DOCK2: variants seen among roughly 807,000 people sequenced by gnomAD.
DOCK2 encodes dedicator of cytokinesis protein 2.
DOCK2 carries 87 observed loss-of-function variants against 248.9 expected under a neutral mutation model. That is an observed-to-expected ratio of 0.35 (90% CI 0.29 to 0.42). The LOEUF is 0.42. Among genes scored for constraint, DOCK2 ranks in the 10% least tolerant of loss-of-function variants. DOCK2 has a pLI of 1.00. For synonymous variants in DOCK2, 805 were observed against 821.6 expected (o/e 0.98, Z 0.35); for missense variants, 1,747 against 2,300.2 (o/e 0.76, Z 4.92).
chr5:169,875,473 G>T, intron 27 of DOCK2: 2 of 336,928 alleles, frequency 5.9e-6, no homozygotes, highest in Non-Finnish European at 1.2e-5. Flanking sequence ...CTTCAGATGA[G>T]TCTGGCATCT....
In DOCK2 at chr5:170,021,109, G is replaced by C. The variant is rs1755707263; in HGVS notation, c.3381+2001G>C. 3.9e-5 allele frequency among the ~76,000 whole-genome samples: 6 copies of C among 152,238 alleles called. No homozygotes were observed. The South Asian group carries it at 1.2e-3, about 32-fold the overall frequency. Reference sequence around the variant, plus strand: ...CATTATAGGGACTCTAGTGCCAGAAGGGCTAGTGGCCAGCTGCCTTTTTGT... The same window carrying C: ...CATTATAGGGACTCTAGTGCCAGAACGGCTAGTGGCCAGCTGCCTTTTTGT... On this transcript the variant is annotated intron_variant, in intron 33 of 51. Transcript: ENST00000520908.
At position 169,763,465 on chromosome 5, in the gene DOCK2, G is replaced by A. The variant is rs1427919728; in HGVS notation, c.2554+1840G>A. 6.6e-6 allele frequency among the ~76,000 whole-genome samples: 1 copy of A among 152,238 alleles called. No individual in the cohort carries two copies. Among genetic ancestry groups the A allele is most frequent in the Non-Finnish European group, 1.5e-5 (1 of 68,040 alleles). ...TGTTCAGAGCTGCTGTCATTGTCAG[G>A]GGCCCGGCTTGGCATCAAGGCCAGA... On this transcript the variant is annotated intron_variant, in intron 25 of 51. Coordinates refer to ENST00000520908, the MANE Select transcript of DOCK2 (RefSeq NM_004946.3). This position sits in a 1 kb window ranked among gnomAD's most constrained non-coding sequence, Gnocchi z 4.1.
Position 170,081,848 on chromosome 5 carries a change from C to A in DOCK2, c.5294C>A (p.Ala1765Glu), listed in dbSNP as rs141274816. The A allele has an allele frequency of 2.5e-6, 4 of 1,612,244 alleles. No homozygotes were observed. Among genetic ancestry groups the A allele is most frequent in the South Asian group, 2.2e-5 (2 of 90,882 alleles). The change falls in exon 51 of 52, where the codon GCG becomes GAG. Residue 1765 changes from alanine to glutamate, a missense_variant. Transcript: ENST00000520908. Reference protein sequence around the residue: ...SQSMPTIPALALSVAGIPGLD... With the variant: ...SQSMPTIPALELSVAGIPGLD... Reference sequence around the variant, plus strand: ...AGCTCTGCTCTCCTTCCAGCCCTGGCGCTCTCAGTGGCAGGCATCCCTGGG... The same window carrying A: ...AGCTCTGCTCTCCTTCCAGCCCTGGAGCTCTCAGTGGCAGGCATCCCTGGG...
intron 22 of DOCK2, among the ~76,000 whole-genome samples, chr5:169,721,566 T>C (rs2431716): frequency 0.99 from 150,880 of 152,350 alleles, 74,720 homozygotes; most frequent in Middle Eastern, 1. Context: ...AAATCAGAAT[T>C]GAATTATTGG....
At chr5:169,702,671 TTGTATGTATGTA>T (rs58478617) in intron 14 of DOCK2, 4 of 318,936 alleles carry the variant, frequency 1.3e-5, no homozygotes, top group East Asian at 7.2e-5. Flanking sequence ...CAACTTCTTC[TTGTATGTATGTA>T]TGTATGTATG....
At chr5:170,061,189 C>A (rs1471997732) in intron 44 of DOCK2, among the ~76,000 whole-genome samples, 1 of 152,162 alleles carries the variant, frequency 6.6e-6, no homozygotes, top group Admixed American at 6.5e-5. Flanking sequence ...TCACAGCAAG[C>A]CTGGCAAGAG....
intron 25 of DOCK2, among the ~76,000 whole-genome samples, chr5:169,780,599 G>A (rs2046252): frequency 0.62 from 94,681 of 151,982 alleles, 29,882 homozygotes; most frequent in Middle Eastern, 0.77. Context: ...TTGTGCTTAC[G>A]TAACACCAGC....
intron 25 of DOCK2, among the ~76,000 whole-genome samples, chr5:169,771,049 C>A (rs1304178378): frequency 6.6e-6 from 1 of 152,174 alleles, no homozygotes; most frequent in East Asian, 1.9e-4. Flanking sequence ...GGTGGTTGTA[C>A]CAATTTACAC....
intron 2 of DOCK2, among the ~76,000 whole-genome samples, chr5:169,663,596 G>T (rs1032231314): frequency 6.6e-6 from 1 of 152,188 alleles, no homozygotes; most frequent in African/African-American, 2.4e-5. Context: ...CTTGTCTCCT[G>T]TGCACCTGCA....
At position 169,881,440 on chromosome 5, in the gene DOCK2, C is replaced by T. The variant is rs1288506076; in HGVS notation, c.2799+40588C>T. The T allele has an allele frequency of 1.0e-5, 16 of 1,551,322 alleles. No individual in the cohort carries two copies. In the South Asian group the frequency reaches 1.4e-4, roughly 14 times the overall value. On this transcript the variant is annotated intron_variant, in intron 27 of 51. Coordinates refer to ENST00000520908, the MANE Select transcript of DOCK2 (RefSeq NM_004946.3). ...ATCTTGGCCAGTTCGATAAAAGTTG[C>T]GCCTGCAAGACAGAGCATTTGCTGG...
At chr5:169,643,659 C>A (rs760483546) in intron 1 of DOCK2, among the ~76,000 whole-genome samples, 3 of 152,148 alleles carry the variant, frequency 2.0e-5, no homozygotes, top group Non-Finnish European at 4.4e-5. Flanking sequence ...GGCCACCAAC[C>A]AGTACCGGTC....
In DOCK2 at chr5:169,882,625, G is replaced by A. The variant is rs979354875; in HGVS notation, c.2799+41773G>A. On this transcript the variant is annotated intron_variant, in intron 27 of 51. Coordinates refer to ENST00000520908, the MANE Select transcript of DOCK2 (RefSeq NM_004946.3). ...AAGGACTTTAATTTTCTCTTGGTTC[G>A]AGTGCAGAGATTCCTCCACAGATTG... 2.0e-5 allele frequency: 31 copies of A among 1,551,816 alleles called. No homozygotes were observed. Among genetic ancestry groups the A allele is most frequent in the African/African-American group, 2.7e-5 (2 of 73,144 alleles).
In DOCK2 at chr5:169,929,761, A is replaced by G. The variant is rs1055354075; in HGVS notation, c.2800-53307A>G. Reference sequence around the variant, plus strand: ...TGTCTCAAAAAAAAAAAAAAAAAAAAAGAGAGAGAGAGAAAGAAGCTATCC... The same window carrying G: ...TGTCTCAAAAAAAAAAAAAAAAAAAGAGAGAGAGAGAGAAAGAAGCTATCC... On this transcript the variant is annotated intron_variant, in intron 27 of 51. Transcript: ENST00000520908. Among the ~76,000 whole-genome samples the G allele has an allele frequency of 5.2e-4, 78 of 149,602 alleles. No individual in the cohort carries two copies. The East Asian group carries it at 0.011, about 21-fold the overall frequency.
intron 7 of DOCK2, among the ~76,000 whole-genome samples, chr5:169,682,730 A>T (rs1266881816): frequency 6.6e-6 from 1 of 152,210 alleles, no homozygotes; most frequent in East Asian, 1.9e-4. Context: ...TCGTAATAAT[A>T]TATTGTGTTG....
chr5:169,654,290 GC>G (rs1757969800), intron 1 of DOCK2, 112 bp from the exon 2 acceptor site: 1 of 1,171,912 alleles, frequency 8.5e-7, no homozygotes, highest in Admixed American at 2.1e-5. Context: ...GTTTTGTTTA[GC>G]CCAGGTGGGC....
intron 36 of DOCK2, among the ~76,000 whole-genome samples, chr5:170,039,592 C>T (rs1311311342): frequency 2.6e-5 from 4 of 152,244 alleles, no homozygotes; most frequent in South Asian, 2.1e-4. Flanking sequence ...GACCTTTCCT[C>T]GCCTCAAAAT....
intron 23 of DOCK2, among the ~76,000 whole-genome samples, chr5:169,753,772 A>G (rs1355790239): frequency 2.0e-5 from 3 of 152,294 alleles, no homozygotes; most frequent in East Asian, 3.9e-4. Context: ...TTTGCCTGAG[A>G]GATTAGTGAT....
chr5:169,696,857 A>G (rs1760662525), intron 10 of DOCK2, among the ~76,000 whole-genome samples: 1 of 150,286 alleles, frequency 6.7e-6, no homozygotes, highest in Admixed American at 6.7e-5. Flanking sequence ...CACTGCGGCT[A>G]GCTAGCCAGC....
intron 23 of DOCK2, 65 bp from the exon 24 acceptor site, chr5:169,759,640 C>CT (rs1396014460): frequency 6.4e-7 from 1 of 1,551,408 alleles, no homozygotes; most frequent in African/African-American, 1.4e-5. Flanking sequence ...CTGCAAAGTA[C>CT]CCTCTTTGCC....
Sources: gnomAD v4.1 joint callset for allele counts (sites outside exome capture counted in the v4.1 genomes callset) on GRCh38, gnomAD v4.1.1 for gene constraint, Gnocchi (gnomAD v3.1) non-coding constraint, MANE v1.5 for transcripts, NCBI Gene and HGNC (gene_info 2026-07-23, HGNC 2026-07-21) for gene names.